The following HHAT variants were observed in gnomAD, a reference collection of about 807,000 sequenced individuals.
HHAT encodes hedgehog acyltransferase, also known as protein-cysteine N-palmitoyltransferase HHAT.
In HHAT, 47 loss-of-function variants were observed where a neutral mutation model predicts 70.8. That is an observed-to-expected ratio of 0.66 (90% CI 0.53 to 0.85). HHAT has a LOEUF of 0.85. HHAT is among the 40% of genes least tolerant of loss of function. The pLI is 0.00. For synonymous variants in HHAT, 228 were observed against 247.6 expected (o/e 0.92, Z 0.74); for missense variants, 609 against 604.8 (o/e 1.01, Z -0.07).
At chr1:210,401,887 C>G (rs76311099) in intron 5 of HHAT, among the ~76,000 whole-genome samples, 4,096 of 152,066 alleles carry the variant, frequency 0.027, 189 homozygotes, top group African/African-American at 0.088. Context: ...GCTAGCATCC[C>G]CTGGACGGCT....
At chr1:210,385,252 CTTTT>C (rs55887436) in intron 3 of HHAT, among the ~76,000 whole-genome samples, 6 of 138,894 alleles carry the variant, frequency 4.3e-5, no homozygotes, top group Non-Finnish European at 3.1e-5. Flanking sequence ...ATATGTTTTT[CTTTT>C]TTTTTTTTTT....
intron 3 of HHAT, among the ~76,000 whole-genome samples, chr1:210,368,878 G>A (rs1432927711): frequency 6.6e-6 from 1 of 152,046 alleles, no homozygotes; most frequent in Non-Finnish European, 1.5e-5. Flanking sequence ...AGGAGTCCAC[G>A]ACCAGTCTGG....
intron 10 of HHAT, among the ~76,000 whole-genome samples, chr1:210,623,057 C>T (rs114887169): frequency 6.6e-6 from 1 of 152,134 alleles, no homozygotes; most frequent in Non-Finnish European, 1.5e-5. Flanking sequence ...GTAGAATGAA[C>T]ATGGTGCAAG....
In HHAT at chr1:210,361,271, A is replaced by G. The variant is rs141012109; in HGVS notation, c.92-1581A>G. The stretch of plus-strand genomic sequence containing the variant: ...ACAGTAACTTGTCATTTGTTTGCCA[A>G]TTGTTCCTTTGGACTTGAGTCTGTG... On this transcript the variant is annotated intron_variant, in intron 2 of 11. Coordinates refer to ENST00000261458, the MANE Select transcript of HHAT (RefSeq NM_018194.6). 3.3e-3 allele frequency among the ~76,000 whole-genome samples: 507 copies of G among 152,306 alleles called. 7 individuals are homozygous for G. The highest frequency in any genetic ancestry group is 0.012 in the African/African-American group (485 of 41,574).
At chr1:210,344,715 T>A (rs1007985361) in intron 1 of HHAT, among the ~76,000 whole-genome samples, 2 of 152,328 alleles carry the variant, frequency 1.3e-5, no homozygotes, top group African/African-American at 4.8e-5. Context: ...CAGTAGGGTC[T>A]TTAGGCTCCT....
chr1:210,628,221 C>T (rs919237552), intron 11 of HHAT, among the ~76,000 whole-genome samples: 9 of 152,060 alleles, frequency 5.9e-5, no homozygotes, highest in African/African-American at 2.2e-4. Context: ...TATATCTGGC[C>T]TTGAGAGGGT....
chr1:210,381,768 A>G (rs563895254), intron 3 of HHAT, among the ~76,000 whole-genome samples: 1 of 152,330 alleles, frequency 6.6e-6, no homozygotes, highest in Admixed American at 6.5e-5. Context: ...TGATTACAAA[A>G]AAAATCCAAA....
intron 9 of HHAT, among the ~76,000 whole-genome samples, chr1:210,528,904 C>T (rs961950115): frequency 2.0e-5 from 3 of 152,118 alleles, no homozygotes; most frequent in African/African-American, 7.2e-5. Flanking sequence ...CGAATTATTA[C>T]CCCCTGGGAT....
chr1:210,581,021 A>G (rs1192994280), intron 9 of HHAT, among the ~76,000 whole-genome samples: 1 of 152,040 alleles, frequency 6.6e-6, no homozygotes, highest in Non-Finnish European at 1.5e-5. Context: ...CACCATTCTG[A>G]CTGGTGTGAG....
chr1:210,505,796 C>T (rs1336909252), intron 8 of HHAT, among the ~76,000 whole-genome samples: 1 of 152,184 alleles, frequency 6.6e-6, no homozygotes, highest in Non-Finnish European at 1.5e-5. Context: ...GGTACATTGT[C>T]TACATGCTGC....
At chr1:210,667,396 A>AAATAAATT (rs1679141132) in intron 11 of HHAT, among the ~76,000 whole-genome samples, 1 of 151,948 alleles carries the variant, frequency 6.6e-6, no homozygotes, top group Non-Finnish European at 1.5e-5. Flanking sequence ...ATAAATAAAT[A>AAATAAATT]AATAAATAAA....
At chr1:210,587,809 C>T in intron 9 of HHAT, 89 bp from the exon 10 acceptor site, 2 of 901,694 alleles carry the variant, frequency 2.2e-6, no homozygotes, top group South Asian at 1.5e-5. Context: ...ATGTGAACAG[C>T]AGTATGTGAC....
At chr1:210,337,837 C>A (rs1305984315) in intron 1 of HHAT, among the ~76,000 whole-genome samples, 1 of 87,070 alleles carries the variant, frequency 1.1e-5, no homozygotes, top group Non-Finnish European at 2.1e-5. Context: ...CTTTGGTGGA[C>A]CCCACAGAGG....
intron 1 of HHAT, among the ~76,000 whole-genome samples, chr1:210,339,220 T>C (rs1199069067): frequency 6.6e-6 from 1 of 152,194 alleles, no homozygotes; most frequent in East Asian, 1.9e-4. Flanking sequence ...GGGAACATAT[T>C]TTTTTTCCAT....
intron 4 of HHAT, among the ~76,000 whole-genome samples, chr1:210,398,089 C>T (rs930389944): frequency 6.6e-6 from 1 of 152,240 alleles, no homozygotes; most frequent in Admixed American, 6.5e-5. Flanking sequence ...ACCTCTGCCT[C>T]CCAGGTTCAA....
chr1:210,674,215 A>G, intron 11 of HHAT, 73 bp from the exon 12 acceptor site: 1 of 1,264,356 alleles, frequency 7.9e-7, no homozygotes, highest in Non-Finnish European at 1.2e-6. Context: ...CCAAAAGGGG[A>G]CAGTTTGCCC....
chr1:210,379,770 T>C (rs1033395951), intron 3 of HHAT, among the ~76,000 whole-genome samples: 6 of 152,254 alleles, frequency 3.9e-5, no homozygotes, highest in African/African-American at 1.2e-4. Context: ...TAATACTTCA[T>C]ACATTCCTGG....
intron 4 of HHAT, among the ~76,000 whole-genome samples, chr1:210,388,757 T>G (rs183998482): frequency 2.2e-4 from 33 of 152,326 alleles, no homozygotes; most frequent in African/African-American, 7.2e-4. Context: ...GTTTAGTTTT[T>G]TTTTCCCCAA....
At chr1:210,665,964 G>A (rs992274809) in intron 11 of HHAT, among the ~76,000 whole-genome samples, 1 of 152,218 alleles carries the variant, frequency 6.6e-6, no homozygotes, top group South Asian at 2.1e-4. Flanking sequence ...TGTAAATGGT[G>A]TAGTAGATTG....
Sources: gnomAD v4.1 joint callset for allele counts (sites outside exome capture counted in the v4.1 genomes callset) on GRCh38, gnomAD v4.1.1 for gene constraint, MANE v1.5 for transcripts, NCBI Gene and HGNC (gene_info 2026-07-23, HGNC 2026-07-21) for gene names.